The following AGBL4 variants were observed in gnomAD, a reference collection of about 807,000 sequenced individuals.
The protein encoded by AGBL4 is AGBL carboxypeptidase 4.
In AGBL4, 58 loss-of-function variants were observed where a neutral mutation model predicts 66.4. The ratio of observed to expected loss-of-function variants is 0.87; its 90% confidence interval spans 0.71 to 1.09. AGBL4 has a LOEUF of 1.09. Among genes scored for constraint, AGBL4 ranks in the 50% least tolerant of loss-of-function variants. The pLI is 0.00. For missense variants in AGBL4, 579 were observed against 631.0 expected, an observed-to-expected ratio of 0.92 and a Z score of 0.88; for synonymous variants, 234 against 222.9, an observed-to-expected ratio of 1.05 and a Z score of -0.44.
chr1:49,014,189 C>A (rs973531649), intron 5 of AGBL4, among the ~76,000 whole-genome samples: 2 of 152,154 alleles, frequency 1.3e-5, no homozygotes, highest in African/African-American at 4.8e-5. Flanking sequence ...TAGAAGGAAT[C>A]TTGTCAACTA....
chr1:48,780,221 T>G, intron 6 of AGBL4, among the ~76,000 whole-genome samples: 1 of 125,110 alleles, frequency 8.0e-6, no homozygotes, highest in Admixed American at 9.7e-5. Context: ...GTATGTGATG[T>G]TCCCCTCCCC....
At chr1:48,817,843 T>C in intron 6 of AGBL4, 1 of 593,472 alleles carries the variant, frequency 1.7e-6, no homozygotes, top group Non-Finnish European at 3.0e-6. Flanking sequence ...CCTCAGCTCA[T>C]ACCCCTTCCC....
chr1:48,539,699 T>C lies in AGBL4; in HGVS notation c.1307A>G (p.Asp436Gly). 1 of 1,544,566 alleles carries C rather than the reference T, an allele frequency of 6.5e-7. No individual in the cohort carries two copies. The highest frequency in any genetic ancestry group is 8.8e-7 in the Non-Finnish European group (1 of 1,142,384). ...LGRNVARTFL[D>G]YYRLNPVVEK... ...AACCACGGGGTTCAGCCGATAATAG[T>C]CCAAAAAGGTTCTTGCCACATTCCG... The change falls in exon 12 of 14, where the codon GAC becomes GGC. Residue 436 changes from aspartate (D) to glycine (G), a missense_variant. Physicochemically the swap from Asp to Gly is moderately conservative, Grantham distance 94. Transcript: ENST00000371839.
chr1:49,221,701 T>C (rs1292703369), intron 4 of AGBL4, among the ~76,000 whole-genome samples: 6 of 152,284 alleles, frequency 3.9e-5, no homozygotes, highest in Non-Finnish European at 8.8e-5. Context: ...TTATTTTTTC[T>C]TTGAAAGAGA....
rs147943250 is a variant in AGBL4, at chr1:48,996,883, A to C, written c.594+48701T>G. ...TCTACTTATCTATATAAAGATATAAAATATTATTGCTAATTTGTTTGCATA... is the reference window on the plus strand; with the variant it reads ...TCTACTTATCTATATAAAGATATAACATATTATTGCTAATTTGTTTGCATA... On this transcript the variant is annotated intron_variant, in intron 5 of 13. Coordinates refer to ENST00000371839, the MANE Select transcript of AGBL4 (RefSeq NM_032785.4). Among the ~76,000 whole-genome samples, 1,098 of 138,326 alleles carry C rather than the reference A, an allele frequency of 7.9e-3. 17 individuals carry two copies. Among genetic ancestry groups the C allele is most frequent in the African/African-American group, 0.032 (1,063 of 32,956 alleles). 90.7% of individuals were successfully genotyped at this position (138,326 alleles called of 152,430 possible). A position where few individuals can be genotyped will look rare whatever the true frequency, so the allele number is the denominator to read the frequency against.
chr1:49,553,711 T>C (rs925157034), intron 3 of AGBL4, among the ~76,000 whole-genome samples: 8 of 152,234 alleles, frequency 5.3e-5, no homozygotes, highest in Non-Finnish European at 1.0e-4. Flanking sequence ...CTCTGTACTA[T>C]AAAAGTAAAA....
At chr1:49,203,088 CAAA>C (rs139732827) in intron 4 of AGBL4, among the ~76,000 whole-genome samples, 1 of 135,894 alleles carries the variant, frequency 7.4e-6, no homozygotes, top group African/African-American at 2.7e-5. Flanking sequence ...TGGCTACTAT[CAAA>C]AAAAAAAAAA....
At chr1:49,315,740 C>T (rs1274602198) in intron 3 of AGBL4, among the ~76,000 whole-genome samples, 2 of 152,000 alleles carry the variant, frequency 1.3e-5, no homozygotes, top group Non-Finnish European at 2.9e-5. Flanking sequence ...TACCTATGAT[C>T]TAGCAGCCAT....
At chr1:49,172,417 A>G (rs1398711240) in intron 4 of AGBL4, among the ~76,000 whole-genome samples, 1 of 152,190 alleles carries the variant, frequency 6.6e-6, no homozygotes, top group African/African-American at 2.4e-5. Context: ...GAATGTGGCA[A>G]GGAAAGCTTC....
In AGBL4 at chr1:48,900,217, G is replaced by A. The variant is rs3127566; in HGVS notation, c.595-32987C>T. Among the ~76,000 whole-genome samples the A allele has an allele frequency of 6.0e-3, 914 of 152,168 alleles. 3 individuals are homozygous for A. Among genetic ancestry groups the A allele is most frequent in the Middle Eastern group, 0.02 (6 of 294 alleles). On this transcript the variant is annotated intron_variant, in intron 5 of 13. Coordinates refer to ENST00000371839, the MANE Select transcript of AGBL4 (RefSeq NM_032785.4). ...AAAGATGAGGCTAGAGAGGAGAGAA[G>A]GGTGCAGACCCCACACAGCCTTCTA...
chr1:49,858,562 T>C (rs1477828453), intron 1 of AGBL4, among the ~76,000 whole-genome samples: 1 of 151,590 alleles, frequency 6.6e-6, no homozygotes, highest in African/African-American at 2.4e-5. Flanking sequence ...CAAACAATAA[T>C]AAAAAGAGAG....
At chr1:48,610,323 T>C (rs1645218014) in intron 9 of AGBL4, among the ~76,000 whole-genome samples, 1 of 152,140 alleles carries the variant, frequency 6.6e-6, no homozygotes, top group African/African-American at 2.4e-5. Context: ...CATGCCAGTA[T>C]GAATTATCCC....
At chr1:49,677,174 CTT>C (rs1432000500) in intron 3 of AGBL4, among the ~76,000 whole-genome samples, 4 of 152,058 alleles carry the variant, frequency 2.6e-5, no homozygotes, top group African/African-American at 4.8e-5. Context: ...CTCTCTCTCT[CTT>C]GCAACTAACC....
intron 4 of AGBL4, among the ~76,000 whole-genome samples, chr1:49,207,574 CT>C (rs1375469218): frequency 9.1e-6 from 1 of 110,496 alleles, no homozygotes; most frequent in African/African-American, 3.5e-5. Flanking sequence ...TTCTTTCTTT[CT>C]TTCTTTCTTT....
intron 6 of AGBL4, among the ~76,000 whole-genome samples, chr1:48,674,849 C>T (rs141922409): frequency 1.7e-4 from 26 of 152,282 alleles, no homozygotes; most frequent in Admixed American, 7.2e-4. Flanking sequence ...CTGCTTCACC[C>T]CCAGGCAGTG....
At chr1:48,884,983 A>T (rs1273791511) in intron 5 of AGBL4, among the ~76,000 whole-genome samples, 1 of 148,350 alleles carries the variant, frequency 6.7e-6, no homozygotes, top group Non-Finnish European at 1.5e-5. Context: ...AGATTTAAAA[A>T]AAAAAAAAAA....
At chr1:49,102,512 G>A (rs190213497) in intron 4 of AGBL4, among the ~76,000 whole-genome samples, 3 of 152,256 alleles carry the variant, frequency 2.0e-5, no homozygotes, top group East Asian at 3.9e-4. Flanking sequence ...TGTGTCCTAT[G>A]AGTAAAATTT....
intron 2 of AGBL4, among the ~76,000 whole-genome samples, chr1:49,717,497 T>C (rs1648241856): frequency 6.6e-6 from 1 of 152,178 alleles, no homozygotes; most frequent in South Asian, 2.1e-4. Flanking sequence ...TTCAAGTAAC[T>C]GCTCAAATTT....
At chr1:49,668,554 A>G (rs1370191614) in intron 3 of AGBL4, among the ~76,000 whole-genome samples, 2 of 151,972 alleles carry the variant, frequency 1.3e-5, no homozygotes, top group Non-Finnish European at 2.9e-5. Flanking sequence ...GCAGTCTGTA[A>G]TGGTGTGTCA....
Sources: gnomAD v4.1 joint callset for allele counts (sites outside exome capture counted in the v4.1 genomes callset) on GRCh38, gnomAD v4.1.1 for gene constraint, MANE v1.5 for transcripts, NCBI Gene and HGNC (gene_info 2026-07-23, HGNC 2026-07-21) for gene names.